The following PRKG2 variants were observed in gnomAD, a reference collection of about 807,000 sequenced individuals.
The protein encoded by PRKG2 is cGMP-dependent protein kinase 2.
In PRKG2, 33 loss-of-function variants were observed where a neutral mutation model predicts 97.2. The observed-to-expected ratio is 0.34, with a 90% CI of 0.26 to 0.45. The LOEUF (loss-of-function observed/expected upper bound fraction) is 0.45, where lower values mean the gene tolerates loss of function less well. Ranked by LOEUF, PRKG2 falls within the 20% of genes least tolerant of loss-of-function variation. The probability of loss-of-function intolerance (pLI) is 1.00; values close to 1 mark genes in which losing one functional copy is unlikely to be tolerated. For missense variants in PRKG2, 638 were observed against 900.0 expected (o/e 0.71, Z 3.73); for synonymous variants, 330 against 321.8 (o/e 1.03, Z -0.27).
intron 11 of PRKG2, 53 bp downstream of exon 11, chr4:81,142,737 AAAAC>A: frequency 6.8e-7 from 1 of 1,467,918 alleles, no homozygotes; most frequent in Non-Finnish European, 9.1e-7. Context: ...GCTGGAATAT[AAAAC>A]AAAAAAAAAG....
intron 2 of PRKG2, among the ~76,000 whole-genome samples, chr4:81,194,536 T>C (rs539726951): frequency 6.6e-6 from 1 of 152,356 alleles, no homozygotes; most frequent in South Asian, 2.1e-4. Flanking sequence ...ATTGCCCATA[T>C]AATTAAATAC....
At chr4:81,143,330 A>G (rs2110042616) in intron 10 of PRKG2, among the ~76,000 whole-genome samples, 1 of 152,284 alleles carries the variant, frequency 6.6e-6, no homozygotes, top group Middle Eastern at 3.4e-3. Context: ...AAAGCAGTCA[A>G]TGAATGGGAA....
At chr4:81,217,723 A>AG (rs1357714578), upstream of PRKG2, among the ~76,000 whole-genome samples, 1 of 152,230 alleles carries the variant, frequency 6.6e-6, no homozygotes, top group African/African-American at 2.4e-5. Flanking sequence ...GGAAAATGAG[A>AG]GAAAAAAATA....
chr4:81,150,108 T>C (rs1748237818), intron 8 of PRKG2, among the ~76,000 whole-genome samples: 1 of 152,162 alleles, frequency 6.6e-6, no homozygotes, highest in African/African-American at 2.4e-5. Flanking sequence ...ATGGTGGATG[T>C]AGAGCCAGAC....
chr4:81,184,103 G>T (rs1243784509), intron 2 of PRKG2, among the ~76,000 whole-genome samples: 1 of 152,214 alleles, frequency 6.6e-6, no homozygotes, highest in South Asian at 2.1e-4. Flanking sequence ...TGCTGGCTCT[G>T]AAGAGAGCAG....
chr4:81,202,324 T>G (rs1460848068), intron 2 of PRKG2, among the ~76,000 whole-genome samples: 1 of 152,208 alleles, frequency 6.6e-6, no homozygotes, highest in Non-Finnish European at 1.5e-5. Flanking sequence ...ATTTCTGAAT[T>G]TATAAAGTTA....
Position 81,197,044 on chromosome 4 carries a change from G to A in PRKG2, c.461+7543C>T, listed in dbSNP as rs116754192. ...TGCAATTTAAACTCTAGAAAGAGGC[G>A]ACAGGAGCTGAGCTGCTCAGGCTTA... On this transcript the variant is annotated intron_variant, in intron 2 of 18. Coordinates refer to ENST00000264399, the MANE Select transcript of PRKG2 (RefSeq NM_006259.3). Among the ~76,000 whole-genome samples, 299 of 152,252 alleles carry A rather than the reference G, an allele frequency of 2.0e-3. 2 individuals are homozygous for A. Among genetic ancestry groups the A allele is most frequent in the African/African-American group, 6.8e-3 (283 of 41,542 alleles).
intron 12 of PRKG2, among the ~76,000 whole-genome samples, chr4:81,139,235 T>A (rs907183268): frequency 8.6e-5 from 13 of 152,020 alleles, no homozygotes; most frequent in African/African-American, 3.1e-4. Context: ...CAGGGTACAT[T>A]CCCCCTTGGC....
intron 4 of PRKG2, among the ~76,000 whole-genome samples, chr4:81,171,198 G>C (rs892078060): frequency 6.9e-5 from 10 of 144,190 alleles, no homozygotes; most frequent in South Asian, 2.2e-4. Flanking sequence ...AGTGTGTGTT[G>C]TTCCCCTCCC....
intron 1 of PRKG2, among the ~76,000 whole-genome samples, chr4:81,210,594 T>A (rs958896309): frequency 6.6e-6 from 1 of 152,172 alleles, no homozygotes; most frequent in Admixed American, 6.5e-5. Context: ...TGCTCATTCA[T>A]TGCTAGTGGG....
intron 14 of PRKG2, among the ~76,000 whole-genome samples, chr4:81,115,581 A>G (rs1744433316): frequency 6.6e-6 from 1 of 152,172 alleles, no homozygotes; most frequent in Non-Finnish European, 1.5e-5. Context: ...CTTCCATCTT[A>G]GGGCTGTGTC....
intron 5 of PRKG2, among the ~76,000 whole-genome samples, chr4:81,167,648 TTAAG>T (rs1159697677): frequency 6.6e-6 from 1 of 152,050 alleles, no homozygotes; most frequent in South Asian, 2.1e-4. Context: ...ATCCTTATAA[TTAAG>T]TAAGGACTGA....
Position 81,092,382 on chromosome 4 carries a change from A to T in PRKG2, c.2193+4T>A. On this transcript the variant is annotated splice_donor_region_variant and intron_variant, in intron 18 of 18. Transcript: ENST00000264399. ...ATAAAAAAGTAATATAATAAATACA[A>T]TACCTCTCTTTGCAAAGGTGATGGA... 1 of 1,556,150 alleles carries T rather than the reference A, an allele frequency of 6.4e-7. No individual in the cohort carries two copies. The highest frequency in any genetic ancestry group is 8.8e-7 in the Non-Finnish European group (1 of 1,136,968).
chr4:81,153,129 A>G (rs1240086828), intron 7 of PRKG2, among the ~76,000 whole-genome samples: 2 of 152,236 alleles, frequency 1.3e-5, no homozygotes, highest in African/African-American at 4.8e-5. Flanking sequence ...CTTATTGTAC[A>G]TGTTAGTATA....
intron 2 of PRKG2, among the ~76,000 whole-genome samples, chr4:81,190,878 A>G (rs1752425316): frequency 6.6e-6 from 1 of 152,210 alleles, no homozygotes; most frequent in African/African-American, 2.4e-5. Context: ...CAAAACCACA[A>G]TGAGATGCCA....
At chr4:81,180,908 TG>T (rs1308619946) in intron 2 of PRKG2, among the ~76,000 whole-genome samples, 1 of 152,126 alleles carries the variant, frequency 6.6e-6, no homozygotes, top group African/African-American at 2.4e-5. Flanking sequence ...TATGTATACA[TG>T]TGCCATGTTG....
intron 14 of PRKG2, among the ~76,000 whole-genome samples, chr4:81,124,723 G>A (rs554920719): frequency 6.6e-6 from 1 of 152,214 alleles, no homozygotes; most frequent in Admixed American, 6.5e-5. Context: ...TGCAGCCCCC[G>A]ACACCATCTG....
At position 81,174,874 on chromosome 4, in the gene PRKG2, A is replaced by G; in HGVS notation, c.547T>C (p.Cys183Arg). Residue 183 changes from cysteine to arginine, a missense_variant, in exon 3 of 19, where the codon TGC becomes CGC. Physicochemically the swap from Cys to Arg is radical, Grantham distance 180. This residue lies in a region of PRKG2 where 332 missense variants were observed against 421.7 expected (regional missense o/e 0.79). Coordinates refer to ENST00000264399, the MANE Select transcript of PRKG2 (RefSeq NM_006259.3). ...DPQQIKDMVECMYGRNYQQGS... is the reference protein window; with the variant it reads ...DPQQIKDMVERMYGRNYQQGS... ...TGCTGATAGTTTCTCCCATACATGC[A>G]TTCCACCATGTCTTTGATCTGCTGA... 6.2e-7 allele frequency: 1 copy of G among 1,612,800 alleles called. No individual in the cohort carries two copies. The highest frequency in any genetic ancestry group is 8.5e-7 in the Non-Finnish European group (1 of 1,178,972).
chr4:81,103,170 A>G (rs1436026798), intron 17 of PRKG2, among the ~76,000 whole-genome samples: 1 of 152,028 alleles, frequency 6.6e-6, no homozygotes, highest in Non-Finnish European at 1.5e-5. Flanking sequence ...TCTTTTTTTT[A>G]TTATTATACT....
Sources: gnomAD v4.1 joint callset for allele counts (sites outside exome capture counted in the v4.1 genomes callset) on GRCh38, gnomAD v4.1.1 for gene constraint, gnomAD v4.1.1 regional missense constraint, MANE v1.5 for transcripts, NCBI Gene and HGNC (gene_info 2026-07-23, HGNC 2026-07-21) for gene names.